The following DUSP22 variants were observed in gnomAD, a reference collection of about 807,000 sequenced individuals.
DUSP22 encodes the protein dual specificity protein phosphatase 22.
Under a neutral mutation model 24.5 loss-of-function variants are expected in DUSP22, and 24 were observed. That is an observed-to-expected ratio of 0.98 (90% CI 0.71 to 1.38). The LOEUF (loss-of-function observed/expected upper bound fraction) is 1.38, where lower values mean the gene tolerates loss of function less well. Among genes scored for constraint, DUSP22 ranks in the 40% most tolerant of loss-of-function variants. The probability of loss-of-function intolerance (pLI) is 0.00; values close to 1 mark genes in which losing one functional copy is unlikely to be tolerated. For synonymous variants in DUSP22, 160 were observed against 106.4 expected (o/e 1.50, Z -3.10); for missense variants, 330 against 269.2 (o/e 1.23, Z -1.58).
At chr6:344,737 G>A (rs1759774458) in intron 4 of DUSP22, among the ~76,000 whole-genome samples, 1 of 152,308 alleles carries the variant, frequency 6.6e-6, no homozygotes, top group Non-Finnish European at 1.5e-5. Context: ...ATTGGAGCCA[G>A]AATTTCCATT....
At chr6:300,240 C>T (rs1379968094) in intron 1 of DUSP22, among the ~76,000 whole-genome samples, 2 of 152,306 alleles carry the variant, frequency 1.3e-5, no homozygotes, top group Admixed American at 6.5e-5. Flanking sequence ...TTGGTTGCAC[C>T]GTGGTCACTT....
intron 2 of DUSP22, among the ~76,000 whole-genome samples, chr6:307,022 C>T (rs574562334): frequency 1.8e-4 from 28 of 152,408 alleles, no homozygotes; most frequent in African/African-American, 6.0e-4. Flanking sequence ...GGAGCCCGAT[C>T]GATGCCAGGT....
intron 1 of DUSP22, among the ~76,000 whole-genome samples, chr6:298,366 A>G (rs1215940775): frequency 2.6e-5 from 4 of 152,296 alleles, no homozygotes; most frequent in Non-Finnish European, 4.4e-5. Context: ...TCTGACATAG[A>G]AAGAATTAAG....
At chr6:340,679 C>T (rs1341231358) in intron 4 of DUSP22, among the ~76,000 whole-genome samples, 1 of 152,296 alleles carries the variant, frequency 6.6e-6, no homozygotes, top group Non-Finnish European at 1.5e-5. Context: ...GGAGGAGCAC[C>T]CTGTGTCCCT....
intron 3 of DUSP22, among the ~76,000 whole-genome samples, chr6:324,546 G>T (rs1351100522): frequency 6.6e-6 from 1 of 152,302 alleles, no homozygotes; most frequent in African/African-American, 2.4e-5. Flanking sequence ...CTCCCACCCC[G>T]TGGACGTTCT....
intron 2 of DUSP22, among the ~76,000 whole-genome samples, chr6:306,668 C>A (rs560472655): frequency 2.6e-5 from 4 of 152,306 alleles, no homozygotes; most frequent in African/African-American, 9.6e-5. Context: ...AGTGAATTGG[C>A]GAGTGGCTCG....
intron 3 of DUSP22, among the ~76,000 whole-genome samples, chr6:314,613 T>G: frequency 6.6e-6 from 1 of 152,034 alleles, no homozygotes; most frequent in East Asian, 1.9e-4. Context: ...TTTAGAAAAC[T>G]TAGCACACTT....
intron 3 of DUSP22, among the ~76,000 whole-genome samples, chr6:318,091 C>G (rs1226239045): frequency 2.6e-5 from 4 of 152,310 alleles, no homozygotes; most frequent in African/African-American, 9.6e-5. Flanking sequence ...ATGTCCTGTT[C>G]TACAGAGCTG....
chr6:306,810 C>T (rs1757831516), intron 2 of DUSP22, among the ~76,000 whole-genome samples: 1 of 152,306 alleles, frequency 6.6e-6, no homozygotes, highest in African/African-American at 2.4e-5. Flanking sequence ...CAGAGTCCAA[C>T]AGCAGGTGCA....
intron 4 of DUSP22, among the ~76,000 whole-genome samples, chr6:341,877 GT>G: frequency 6.6e-6 from 1 of 152,310 alleles, no homozygotes; most frequent in Non-Finnish European, 1.5e-5. Context: ...GCACGGATGG[GT>G]TTGGATGGTG....
At chr6:304,985 A>G (rs1443167722) in intron 2 of DUSP22, among the ~76,000 whole-genome samples, 1 of 152,310 alleles carries the variant, frequency 6.6e-6, no homozygotes, top group African/African-American at 2.4e-5. Context: ...TACTGAGCAC[A>G]GTGTCACAGT....
chr6:339,285 CCT>C (rs1581186423), intron 4 of DUSP22, among the ~76,000 whole-genome samples: 1 of 152,302 alleles, frequency 6.6e-6, no homozygotes, highest in East Asian at 1.9e-4. Flanking sequence ...GTCATTTTAA[CCT>C]CTCTTCTCTC....
Position 349,696 on chromosome 6 carries a change from A to T in DUSP22, c.*745A>T, listed in dbSNP as rs1376586461. 1 of 985,948 alleles carries T rather than the reference A, an allele frequency of 1.0e-6. No homozygotes were observed. The highest frequency in any genetic ancestry group is 1.7e-5 in the African/African-American group (1 of 57,282). The allele number at this position is 985,948 out of a possible 1,614,324, so 61.1% of individuals were successfully genotyped here. A position where few individuals can be genotyped will look rare whatever the true frequency, so the allele number is the denominator to read the frequency against. On this transcript the variant is annotated 3_prime_UTR_variant, in exon 7 of 7. Coordinates refer to ENST00000419235, the MANE Select transcript of DUSP22 (RefSeq NM_001286555.3). Reference sequence around the variant, plus strand: ...TACCAACTCAGCATTTAAGGGAAGTATCTTAGATTGCCTCCATCTCAATGT... The same window carrying T: ...TACCAACTCAGCATTTAAGGGAAGTTTCTTAGATTGCCTCCATCTCAATGT...
intron 1 of DUSP22, among the ~76,000 whole-genome samples, chr6:294,585 A>G (rs908945707): frequency 1.1e-4 from 16 of 152,300 alleles, no homozygotes; most frequent in Non-Finnish European, 2.2e-4. Context: ...AAAGTTATTC[A>G]TGGAAGATTC....
intron 3 of DUSP22, among the ~76,000 whole-genome samples, chr6:313,144 A>G (rs990424288): frequency 4.6e-5 from 7 of 152,300 alleles, no homozygotes; most frequent in Non-Finnish European, 5.9e-5. Context: ...TATGGCCAAG[A>G]TGCTAAGTTA....
At position 350,417 on chromosome 6, in the gene DUSP22, TC is replaced by T; in HGVS notation, c.*1469del. On this transcript the variant is annotated 3_prime_UTR_variant, in exon 7 of 7. Coordinates refer to ENST00000419235, the MANE Select transcript of DUSP22 (RefSeq NM_001286555.3). ...CGAATGAAAAAACATACTCGACCTC[TC>T]CCTAAAAAGATGTTGCAACCCAGTT... is the stretch of plus-strand genomic sequence containing the variant. 9.0e-7 allele frequency: 1 copy of T among 1,113,454 alleles called. No homozygotes were observed. Among genetic ancestry groups the T allele is most frequent in the Non-Finnish European group, 1.1e-6 (1 of 908,312 alleles). The allele number at this position is 1,113,454 out of a possible 1,614,324, so 69.0% of individuals were successfully genotyped here. A position where few individuals can be genotyped will look rare whatever the true frequency, so the allele number is the denominator to read the frequency against.
intron 3 of DUSP22, among the ~76,000 whole-genome samples, chr6:317,867 C>A (rs993081857): frequency 6.6e-6 from 1 of 152,284 alleles, no homozygotes; most frequent in African/African-American, 2.4e-5. Flanking sequence ...TGTCTTATCA[C>A]GCATTTAGCC....
intron 3 of DUSP22, chr6:325,302 T>C (rs1414968861): frequency 9.8e-6 from 2 of 205,050 alleles, no homozygotes; most frequent in Non-Finnish European, 1.9e-5. Context: ...CAATGCTGTA[T>C]CTGCGGGTGC....
intron 1 of DUSP22, among the ~76,000 whole-genome samples, chr6:295,045 A>G (rs112328671): frequency 0.02 from 3,064 of 151,594 alleles, 1 homozygote; most frequent in African/African-American, 0.055. Flanking sequence ...ACTTTTCCAT[A>G]TATTACTGTG....
Sources: allele counts gnomAD v4.1 joint callset (sites outside exome capture counted in the v4.1 genomes callset), GRCh38; gene constraint gnomAD v4.1.1; transcripts MANE v1.5; gene names NCBI Gene and HGNC (gene_info 2026-07-23, HGNC 2026-07-21).